The following MAGI2 variants were observed in gnomAD, a reference collection of about 807,000 sequenced individuals.
The protein encoded by MAGI2 is membrane associated guanylate kinase, WW and PDZ domain containing 2.
In MAGI2, 35 loss-of-function variants were observed where a neutral mutation model predicts 133.3. The observed-to-expected ratio is 0.26, with a 90% CI of 0.20 to 0.35. The LOEUF (loss-of-function observed/expected upper bound fraction) is 0.35, where lower values mean the gene tolerates loss of function less well. Among genes scored for constraint, MAGI2 ranks in the 10% least tolerant of loss-of-function variants. The pLI is 1.00. For synonymous variants in MAGI2, 729 were observed against 710.6 expected (o/e 1.03, Z -0.41); for missense variants, 1,636 against 1,863.4 (o/e 0.88, Z 2.25).
At chr7:79,032,323 C>A (rs148436449) in intron 1 of MAGI2, among the ~76,000 whole-genome samples, 3 of 152,078 alleles carry the variant, frequency 2.0e-5, no homozygotes, top group African/African-American at 7.2e-5. Context: ...TTGAGACCAG[C>A]CTTACCAACA....
At chr7:78,627,424 T>C (rs969565437) in intron 2 of MAGI2, among the ~76,000 whole-genome samples, 185 bp from the exon 3 acceptor site, 24 of 152,206 alleles carry the variant, frequency 1.6e-4, no homozygotes, top group Admixed American at 7.9e-4. Flanking sequence ...TTAAAGTAAA[T>C]GTACAAAGCA....
intron 14 of MAGI2, among the ~76,000 whole-genome samples, chr7:78,169,491 G>C (rs1825920674): frequency 1.1e-4 from 1 of 9,246 alleles, no homozygotes; most frequent in Non-Finnish European, 2.0e-4. Flanking sequence ...TTTGTACTTA[G>C]TCTCACTGCT....
chr7:79,436,360 A>G (rs1466858840), intron 1 of MAGI2, among the ~76,000 whole-genome samples: 2 of 152,162 alleles, frequency 1.3e-5, no homozygotes, highest in Non-Finnish European at 2.9e-5. Context: ...GTGGGACCTA[A>G]GTCAACTAAA....
Position 78,679,267 on chromosome 7 carries a change from T to TTA in MAGI2, c.419-52030_419-52029dup, listed in dbSNP as rs530624274. Among the ~76,000 whole-genome samples, 8 of 152,254 alleles carry TTA rather than the reference T, an allele frequency of 5.3e-5. No individual in the cohort carries two copies. The South Asian group carries it at 1.7e-3, about 32-fold the overall frequency. On this transcript the variant is annotated intron_variant, in intron 2 of 21. Transcript: ENST00000354212. ...TTACAGCATCTTGTACATATTGATA[T>TTA]TATAGCACTTACCACATTGTACCAT...
intron 2 of MAGI2, among the ~76,000 whole-genome samples, chr7:78,742,216 C>T (rs924951716): frequency 6.6e-6 from 1 of 152,128 alleles, no homozygotes; most frequent in African/African-American, 2.4e-5. Context: ...CAGACAATCT[C>T]TCTATACCTT....
intron 2 of MAGI2, among the ~76,000 whole-genome samples, chr7:78,732,623 T>C (rs900471987): frequency 2.6e-5 from 4 of 152,134 alleles, no homozygotes; most frequent in Admixed American, 6.5e-5. Context: ...AGTATACAAA[T>C]GTTTATTGTA....
At chr7:78,557,995 A>T (rs575040537) in intron 3 of MAGI2, among the ~76,000 whole-genome samples, 1 of 151,102 alleles carries the variant, frequency 6.6e-6, no homozygotes, top group East Asian at 1.9e-4. Context: ...TTTAAAAAAT[A>T]GTTGATTGTG....
At chr7:78,265,934 G>A (rs1024102869) in intron 9 of MAGI2, among the ~76,000 whole-genome samples, 3 of 152,160 alleles carry the variant, frequency 2.0e-5, no homozygotes. Flanking sequence ...CTGCTGGCTG[G>A]GGTGGAGCTG....
chr7:79,408,827 A>C (rs375983797), intron 1 of MAGI2, among the ~76,000 whole-genome samples: 3 of 152,160 alleles, frequency 2.0e-5, no homozygotes, highest in East Asian at 3.9e-4. Flanking sequence ...ATACTGCCTC[A>C]TTTAAAAAGT....
At chr7:78,927,391 T>C (rs1043405733) in intron 2 of MAGI2, among the ~76,000 whole-genome samples, 2 of 152,024 alleles carry the variant, frequency 1.3e-5, no homozygotes, top group South Asian at 4.1e-4. Context: ...AGCTAAATTA[T>C]GAATAGCTGG....
chr7:78,950,888 C>G (rs1048337740), intron 2 of MAGI2, among the ~76,000 whole-genome samples: 1 of 151,028 alleles, frequency 6.6e-6, no homozygotes, highest in African/African-American at 2.4e-5. Flanking sequence ...ATGTGAGTGA[C>G]CCTATAAAGT....
At chr7:78,892,869 A>C (rs1796884004) in intron 2 of MAGI2, among the ~76,000 whole-genome samples, 1 of 152,176 alleles carries the variant, frequency 6.6e-6, no homozygotes, top group South Asian at 2.1e-4. Flanking sequence ...AAAAGCCAAA[A>C]TTGACAAATG....
intron 21 of MAGI2, among the ~76,000 whole-genome samples, chr7:78,054,121 A>C (rs1812308006): frequency 6.6e-6 from 1 of 151,502 alleles, no homozygotes; most frequent in Non-Finnish European, 1.5e-5. Flanking sequence ...CAATACACAT[A>C]TTTTATTTTA....
At chr7:78,575,267 T>C (rs1391907443) in intron 3 of MAGI2, among the ~76,000 whole-genome samples, 1 of 152,152 alleles carries the variant, frequency 6.6e-6, no homozygotes, top group Admixed American at 6.6e-5. Flanking sequence ...TATTGGATTA[T>C]AGCCAAAGTA....
intron 2 of MAGI2, among the ~76,000 whole-genome samples, chr7:78,789,589 G>A (rs1827105245): frequency 6.6e-6 from 1 of 151,812 alleles, no homozygotes; most frequent in Non-Finnish European, 1.5e-5. Flanking sequence ...TACATAATAG[G>A]TATATATATT....
chr7:78,254,232 T>A (rs1180922990), intron 10 of MAGI2: 1 of 152,200 alleles, frequency 6.6e-6, no homozygotes, highest in Non-Finnish European at 1.5e-5. Flanking sequence ...AAATTAGGGA[T>A]TTCAAAGTAC....
At chr7:79,389,891 G>A (rs938434700) in intron 1 of MAGI2, among the ~76,000 whole-genome samples, 1 of 152,078 alleles carries the variant, frequency 6.6e-6, no homozygotes, top group East Asian at 1.9e-4. Flanking sequence ...AAGGGACCTA[G>A]GGGAGACTCC....
At chr7:79,254,890 A>T (rs1160660269) in intron 1 of MAGI2, among the ~76,000 whole-genome samples, 1 of 152,192 alleles carries the variant, frequency 6.6e-6, no homozygotes, top group Non-Finnish European at 1.5e-5. Flanking sequence ...GGAGGCCAGG[A>T]ATGTTCCAAG....
chr7:78,074,709 G>T (rs1419967307), intron 21 of MAGI2, among the ~76,000 whole-genome samples: 1 of 152,146 alleles, frequency 6.6e-6, no homozygotes, highest in Non-Finnish European at 1.5e-5. Context: ...TAGACAAAAA[G>T]AATTCTTTTT....
Sources: allele counts gnomAD v4.1 joint callset (sites outside exome capture counted in the v4.1 genomes callset), GRCh38; gene constraint gnomAD v4.1.1; transcripts MANE v1.5; gene names NCBI Gene and HGNC (gene_info 2026-07-23, HGNC 2026-07-21).